Variants in CDH12 observed in about 807,000 individuals in gnomAD.
CDH12 encodes the protein cadherin-12.
In CDH12, 41 loss-of-function variants were observed where a neutral mutation model predicts 74.1. The ratio of observed to expected loss-of-function variants is 0.55; its 90% CI spans 0.43 to 0.72. The LOEUF is 0.72. Among genes scored for constraint, CDH12 ranks in the 30% least tolerant of loss-of-function variants. CDH12 has a pLI of 0.00. For missense variants in CDH12, 945 were observed against 977.2 expected (o/e 0.97, Z 0.44); for synonymous variants, 399 against 355.0 (o/e 1.12, Z -1.39).
rs35742047 is a variant in CDH12, at chr5:21,802,593, C to CTTTTTTTTTTTTTT, written c.1003-187_1003-174dup. On this transcript the variant is annotated intron_variant, in intron 9 of 14. Transcript: ENST00000382254. ...AGCACAAGGCAAACCATTTTTTTTT[C>CTTTTTTTTTTTTTT]TTTTTTTTTTTTTTTTGAGACAGAG... is the stretch of plus-strand genomic sequence containing the variant. 3.3e-5 allele frequency among the ~76,000 whole-genome samples: 4 copies of CTTTTTTTTTTTTTT among 120,202 alleles called. 1 individual carries two copies. Among genetic ancestry groups the CTTTTTTTTTTTTTT allele is most frequent in the Non-Finnish European group, 6.6e-5 (4 of 60,946 alleles). 78.9% of individuals were successfully genotyped at this position (120,202 alleles called of 152,430 possible).
intron 6 of CDH12, among the ~76,000 whole-genome samples, chr5:21,896,640 T>C (rs921137454): frequency 7.7e-5 from 11 of 142,074 alleles, no homozygotes; most frequent in Admixed American, 6.7e-4. Flanking sequence ...AAGTATAGTT[T>C]TGCTGTTATT....
At chr5:22,653,823 C>T (rs894036809) in intron 1 of CDH12, among the ~76,000 whole-genome samples, 2 of 152,142 alleles carry the variant, frequency 1.3e-5, no homozygotes, top group African/African-American at 4.8e-5. Context: ...CTTATTGAAG[C>T]TTTTGGCCCA....
At chr5:22,455,247 G>A (rs1745216775) in intron 2 of CDH12, among the ~76,000 whole-genome samples, 2 of 152,114 alleles carry the variant, frequency 1.3e-5, no homozygotes, top group South Asian at 4.1e-4. Context: ...TACTAACATG[G>A]TACTAGCTAA....
intron 6 of CDH12, among the ~76,000 whole-genome samples, chr5:21,934,944 G>T (rs1294083498): frequency 6.6e-6 from 1 of 152,034 alleles, no homozygotes; most frequent in Non-Finnish European, 1.5e-5. Flanking sequence ...CCGCCATCAC[G>T]CCCGGCTAAT....
Position 22,003,561 on chromosome 5 carries a change from G to A in CDH12, c.232-28176C>T, listed in dbSNP as rs199733319. Among the ~76,000 whole-genome samples the A allele has an allele frequency of 2.6e-5, 4 of 152,034 alleles. No individual in the cohort carries two copies. The East Asian group carries it at 6.0e-4, about 23-fold the overall frequency. The stretch of plus-strand genomic sequence containing the variant: ...AGGGCCTCAATTACATTGGCAGTGG[G>A]CCGTCCTCTGAGCACCATAAGAAAA... On this transcript the variant is annotated intron_variant, in intron 5 of 14. Transcript: ENST00000382254.
chr5:22,091,541 T>A (rs776243563), intron 4 of CDH12, among the ~76,000 whole-genome samples: 1 of 151,726 alleles, frequency 6.6e-6, no homozygotes, highest in Non-Finnish European at 1.5e-5. Context: ...CCACAAACCA[T>A]TGTTGCAAGA....
intron 6 of CDH12, among the ~76,000 whole-genome samples, chr5:21,856,600 T>G (rs1441017181): frequency 2.0e-5 from 3 of 151,806 alleles, no homozygotes; most frequent in Admixed American, 2.0e-4. Context: ...CGTATTGTCT[T>G]TACTTTCACA....
chr5:22,137,516 T>C (rs1406848479), intron 4 of CDH12, among the ~76,000 whole-genome samples: 2 of 152,028 alleles, frequency 1.3e-5, no homozygotes, highest in Non-Finnish European at 2.9e-5. Context: ...TAAGTTCCCC[T>C]TTAACATTTC....
At chr5:22,774,531 A>G (rs1486552334) in intron 1 of CDH12, among the ~76,000 whole-genome samples, 6 of 152,010 alleles carry the variant, frequency 3.9e-5, no homozygotes, top group Non-Finnish European at 7.4e-5. Context: ...ATGGGGGGCA[A>G]GTCTTTCCCA....
At chr5:22,047,164 C>G (rs532010903) in intron 5 of CDH12, among the ~76,000 whole-genome samples, 1 of 152,190 alleles carries the variant, frequency 6.6e-6, no homozygotes, top group Non-Finnish European at 1.5e-5. Context: ...CTAGCTCCAA[C>G]TGTGATGAGC....
intron 1 of CDH12, among the ~76,000 whole-genome samples, chr5:22,706,600 G>C: frequency 6.6e-6 from 1 of 151,936 alleles, no homozygotes; most frequent in Middle Eastern, 3.6e-3. Context: ...CTCAATTAGA[G>C]AGTATATAAT....
intron 4 of CDH12, among the ~76,000 whole-genome samples, chr5:22,196,012 C>T (rs531169417): frequency 5.3e-5 from 8 of 152,070 alleles, no homozygotes; most frequent in South Asian, 2.1e-4. Flanking sequence ...TAAATAAGAA[C>T]GTTCTACACG....
chr5:22,333,535 G>A (rs1262106179), intron 3 of CDH12, among the ~76,000 whole-genome samples: 1 of 152,046 alleles, frequency 6.6e-6, no homozygotes, highest in Non-Finnish European at 1.5e-5. Context: ...TGGCTTCACT[G>A]CTAAATTCTA....
intron 3 of CDH12, among the ~76,000 whole-genome samples, chr5:22,379,902 C>T (rs572867047): frequency 6.6e-6 from 1 of 152,264 alleles, no homozygotes; most frequent in Admixed American, 6.5e-5. Context: ...TACTGGCATG[C>T]TCCATCATGC....
chr5:22,060,252 A>T (rs1338978308), intron 5 of CDH12, among the ~76,000 whole-genome samples: 2 of 148,752 alleles, frequency 1.3e-5, no homozygotes, highest in Admixed American at 1.3e-4. Flanking sequence ...CTCACTCATA[A>T]GTGGGAGATT....
intron 1 of CDH12, among the ~76,000 whole-genome samples, chr5:22,700,713 GAC>G (rs1742671305): frequency 1.3e-5 from 2 of 152,108 alleles, no homozygotes; most frequent in African/African-American, 4.8e-5. Context: ...CTGGTGGTAA[GAC>G]ACAGAGAAAT....
chr5:22,642,658 A>G (rs190976102), intron 1 of CDH12, among the ~76,000 whole-genome samples: 172 of 152,256 alleles, frequency 1.1e-3, no homozygotes, highest in African/African-American at 4.0e-3. Context: ...CAATTTGACC[A>G]TTTTGTTATA....
At chr5:21,892,344 A>C (rs1019049744) in intron 6 of CDH12, among the ~76,000 whole-genome samples, 5 of 152,090 alleles carry the variant, frequency 3.3e-5, no homozygotes, top group African/African-American at 1.2e-4. Flanking sequence ...TTTGATATGA[A>C]CTTTCCTAGA....
At chr5:21,878,729 G>A (rs1752069569) in intron 6 of CDH12, among the ~76,000 whole-genome samples, 1 of 150,200 alleles carries the variant, frequency 6.7e-6, no homozygotes, top group South Asian at 2.1e-4. Flanking sequence ...AATACAGCTT[G>A]GATGACAGTA....
Sources: gnomAD v4.1 joint callset for allele counts (sites outside exome capture counted in the v4.1 genomes callset) on GRCh38, gnomAD v4.1.1 for gene constraint, MANE v1.5 for transcripts, NCBI Gene and HGNC (gene_info 2026-07-23, HGNC 2026-07-21) for gene names.